DESI2: variants seen among roughly 807,000 people sequenced by gnomAD.
The protein encoded by DESI2 is desumoylating isopeptidase 2.
Under a neutral mutation model 24.1 loss-of-function variants are expected in DESI2, and 10 were observed. The observed-to-expected ratio is 0.41, with a 90% CI of 0.26 to 0.70. DESI2 has a LOEUF of 0.70. Ranked by LOEUF, DESI2 falls within the 30% of genes least tolerant of loss-of-function variation. DESI2 has a pLI of 0.29. For synonymous variants in DESI2, 71 were observed against 87.7 expected (o/e 0.81, Z 1.06); for missense variants, 122 against 234.9 (o/e 0.52, Z 3.14).
intron 4 of DESI2, among the ~76,000 whole-genome samples, chr1:244,697,438 C>G (rs887144520): frequency 6.8e-6 from 1 of 147,780 alleles, no homozygotes; most frequent in Non-Finnish European, 1.5e-5. Flanking sequence ...GATCGTGCCA[C>G]TGCACTCCAA....
chr1:244,694,474 G>A, intron 4 of DESI2: 1 of 789,964 alleles, frequency 1.3e-6, no homozygotes, highest in Non-Finnish European at 2.3e-6. Context: ...TTGGGTTTAG[G>A]TGGTGTTCCT....
chr1:244,696,411 C>T (rs1677218092), intron 4 of DESI2, among the ~76,000 whole-genome samples: 1 of 152,138 alleles, frequency 6.6e-6, no homozygotes, highest in Non-Finnish European at 1.5e-5. Context: ...TGCTTGAGCA[C>T]ACAAGTTCAA....
At chr1:244,655,333 A>C (rs76511767) in intron 1 of DESI2, among the ~76,000 whole-genome samples, 44 of 152,330 alleles carry the variant, frequency 2.9e-4, no homozygotes, top group East Asian at 9.6e-4. Context: ...TCCTGCACTT[A>C]TGTCTTTATA....
intron 2 of DESI2, among the ~76,000 whole-genome samples, chr1:244,688,505 A>G (rs1347275146): frequency 6.6e-6 from 1 of 152,188 alleles, no homozygotes; most frequent in African/African-American, 2.4e-5. Context: ...ATGGTTTGGA[A>G]TTCTTTAAAT....
At chr1:244,659,378 T>C (rs1371884549) in intron 1 of DESI2, among the ~76,000 whole-genome samples, 1 of 152,226 alleles carries the variant, frequency 6.6e-6, no homozygotes, top group Non-Finnish European at 1.5e-5. Context: ...TCCTCTGCTA[T>C]AGTCTTCACA....
intron 4 of DESI2, among the ~76,000 whole-genome samples, chr1:244,700,367 C>A (rs1337464315): frequency 6.6e-6 from 1 of 152,056 alleles, no homozygotes; most frequent in Non-Finnish European, 1.5e-5. Context: ...ATTTTCGTTT[C>A]GGATCAGTGT....
chr1:244,667,352 TA>T (rs997852440), intron 1 of DESI2, among the ~76,000 whole-genome samples: 29 of 152,124 alleles, frequency 1.9e-4, no homozygotes, highest in Admixed American at 3.9e-4. Flanking sequence ...ACAGAGGGGT[TA>T]AAGGGCCCAT....
At chr1:244,672,484 A>G (rs1676279302) in intron 1 of DESI2, among the ~76,000 whole-genome samples, 1 of 152,180 alleles carries the variant, frequency 6.6e-6, no homozygotes, top group African/African-American at 2.4e-5. Context: ...AACCTCCTTT[A>G]TAAATTACCC....
chr1:244,663,969 G>A (rs1017278964), intron 1 of DESI2, among the ~76,000 whole-genome samples: 1 of 138,658 alleles, frequency 7.2e-6, no homozygotes, highest in Admixed American at 8.0e-5. Flanking sequence ...AGTGAGCCGA[G>A]ATTGCGCCAC....
intron 4 of DESI2, among the ~76,000 whole-genome samples, chr1:244,700,908 TAATA>T (rs1467337896): frequency 2.0e-5 from 3 of 152,246 alleles, no homozygotes; most frequent in South Asian, 2.1e-4. Context: ...GATTGTGACT[TAATA>T]GATACAGTAA....
At chr1:244,696,920 C>T (rs1315041324) in intron 4 of DESI2, among the ~76,000 whole-genome samples, 1 of 152,112 alleles carries the variant, frequency 6.6e-6, no homozygotes, top group Non-Finnish European at 1.5e-5. Flanking sequence ...ATAGAAGTCT[C>T]GGGTTCTGAG....
At chr1:244,676,619 C>CT (rs987418333) in intron 1 of DESI2, among the ~76,000 whole-genome samples, 5 of 151,598 alleles carry the variant, frequency 3.3e-5, no homozygotes, top group Admixed American at 6.6e-5. Flanking sequence ...AGCAGACACT[C>CT]TTATCTTATT....
chr1:244,692,901 A>G (rs1677079575), intron 4 of DESI2, among the ~76,000 whole-genome samples: 1 of 152,224 alleles, frequency 6.6e-6, no homozygotes. Flanking sequence ...CACTTTAACA[A>G]GATCCCCAGA....
At chr1:244,693,447 TG>T (rs1209018847) in intron 4 of DESI2, among the ~76,000 whole-genome samples, 2 of 149,420 alleles carry the variant, frequency 1.3e-5, no homozygotes, top group East Asian at 4.0e-4. Flanking sequence ...TTTTTTTTTT[TG>T]AGATGCAGTT....
chr1:244,663,833 A>C (rs1349935270), intron 1 of DESI2, among the ~76,000 whole-genome samples: 2 of 151,928 alleles, frequency 1.3e-5, no homozygotes, highest in Non-Finnish European at 2.9e-5. Context: ...CCTGGCTAAC[A>C]CGGTGAAACC....
intron 1 of DESI2, among the ~76,000 whole-genome samples, chr1:244,684,544 AT>A (rs11290266): frequency 0.32 from 48,798 of 151,918 alleles, 8,306 homozygotes; most frequent in African/African-American, 0.44. Flanking sequence ...TGATCTTTTT[AT>A]TTTATGTGGT....
chr1:244,662,789 A>G (rs1278293216), intron 1 of DESI2, among the ~76,000 whole-genome samples: 2 of 152,204 alleles, frequency 1.3e-5, no homozygotes, highest in African/African-American at 4.8e-5. Flanking sequence ...TATACCATGT[A>G]GAAAGGAGAA....
chr1:244,680,288 A>C (rs1217740252), intron 1 of DESI2, among the ~76,000 whole-genome samples: 1 of 152,164 alleles, frequency 6.6e-6, no homozygotes, highest in Non-Finnish European at 1.5e-5. Flanking sequence ...TCTGTATAAA[A>C]AATAGCTGGG....
At chr1:244,698,929 G>A (rs781099788) in intron 4 of DESI2, among the ~76,000 whole-genome samples, 3 of 152,176 alleles carry the variant, frequency 2.0e-5, no homozygotes, top group Non-Finnish European at 4.4e-5. Context: ...TACATGTTGA[G>A]GGGAAAGCAT....
Sources: gnomAD v4.1 joint callset for allele counts (sites outside exome capture counted in the v4.1 genomes callset) on GRCh38, gnomAD v4.1.1 for gene constraint, MANE v1.5 for transcripts, NCBI Gene and HGNC (gene_info 2026-07-23, HGNC 2026-07-21) for gene names.